Variants in PTCD3 observed in about 807,000 individuals in gnomAD.
PTCD3 encodes the protein small ribosomal subunit protein mS39.
Under a neutral mutation model 101.9 loss-of-function variants are expected in PTCD3, and 89 were observed. The observed-to-expected ratio is 0.87, with a 90% CI of 0.74 to 1.04. PTCD3 has a LOEUF of 1.04. Ranked by LOEUF, PTCD3 falls within the 50% of genes least tolerant of loss-of-function variation. The pLI is 0.00. For missense variants in PTCD3, 870 were observed against 828.2 expected, an observed-to-expected ratio of 1.05 and a Z score of -0.62; for synonymous variants, 296 against 278.5, an observed-to-expected ratio of 1.06 and a Z score of -0.63.
chr2:86,123,916 A>G (rs1030412709), intron 9 of PTCD3, among the ~76,000 whole-genome samples, 154 bp downstream of exon 9: 1 of 152,228 alleles, frequency 6.6e-6, no homozygotes, highest in Admixed American at 6.5e-5. Context: ...ATACACATTT[A>G]GACCGTTTTT....
In PTCD3 at chr2:86,126,697, C is replaced by T. The variant is rs1245186642; in HGVS notation, c.952-464C>T. 3.9e-5 allele frequency among the ~76,000 whole-genome samples: 6 copies of T among 152,048 alleles called. No homozygotes were observed. In the East Asian group the frequency reaches 9.7e-4, roughly 25 times the overall value. ...TACAAAAATACAAAAATTAGCCGGG[C>T]ATAGTGGTGCTCGCCTGTAGTCGCA... On this transcript the variant is annotated intron_variant, in intron 12 of 23. Coordinates refer to ENST00000254630, the MANE Select transcript of PTCD3 (RefSeq NM_017952.6).
chr2:86,108,360 G>A lies in PTCD3; in HGVS notation c.115G>A (p.Gly39Ser). The A allele has an allele frequency of 6.2e-7, 1 of 1,608,386 alleles. No homozygotes were observed. The highest frequency in any genetic ancestry group is 1.7e-4 in the Middle Eastern group (1 of 5,904). Residue 39 changes from glycine to serine, a missense_variant, in exon 2 of 24, where the codon GGT becomes AGT. Transcript: ENST00000254630. ...TTTGTTTTTTTGCAGATTTTATTCT[G>A]GTAGTGCAACCCTCTCAAAGGTTGA... is the stretch of plus-strand genomic sequence containing the variant. Reference protein sequence around the residue: ...EQARSCRFYSGSATLSKVEGT... With the variant: ...EQARSCRFYSSSATLSKVEGT...
chr2:86,137,779 A>C lies in PTCD3; in HGVS notation c.*220A>C. The C allele has an allele frequency of 3.8e-6, 2 of 530,842 alleles. No homozygotes were observed. The highest frequency in any genetic ancestry group is 6.4e-6 in the Non-Finnish European group (2 of 310,514). 32.9% of individuals were successfully genotyped at this position (530,842 alleles called of 1,614,324 possible). ...ATTAATGCACCATTAAAGGCTTAGC[A>C]TTTAAGTAGCAACATTGCGGTTTTC... is the stretch of plus-strand genomic sequence containing the variant. On this transcript the variant is annotated 3_prime_UTR_variant, in exon 24 of 24. Coordinates refer to ENST00000254630, the MANE Select transcript of PTCD3 (RefSeq NM_017952.6).
intron 8 of PTCD3, 62 bp downstream of exon 8, chr2:86,121,656 T>A: frequency 9.3e-7 from 1 of 1,079,192 alleles, no homozygotes; most frequent in Non-Finnish European, 1.4e-6. Context: ...AAATTGCTTT[T>A]AAAAATAAGA....
At chr2:86,114,908 A>G (rs1158097399) in intron 4 of PTCD3, among the ~76,000 whole-genome samples, 1 of 152,222 alleles carries the variant, frequency 6.6e-6, no homozygotes, top group African/African-American at 2.4e-5. Context: ...GGACATGCTT[A>G]ATTCCTCCAT....
At chr2:86,136,773 A>ATGAAGTCACAC (rs1210387560) in intron 22 of PTCD3, 1 of 803,272 alleles carries the variant, frequency 1.2e-6, no homozygotes, top group Non-Finnish European at 2.0e-6. Flanking sequence ...ATAGATCATC[A>ATGAAGTCACAC]TGAAGTCATA....
intron 23 of PTCD3, 134 bp from the exon 24 acceptor site, chr2:86,137,333 AAT>A: frequency 7.4e-7 from 1 of 1,358,918 alleles, no homozygotes; most frequent in Non-Finnish European, 9.9e-7. Flanking sequence ...TTTTGTTTCT[AAT>A]ATAGTTTAAT....
intron 12 of PTCD3, 147 bp downstream of exon 12, chr2:86,126,027 G>C (rs3731820): frequency 0.79 from 399,382 of 507,770 alleles, 161,684 homozygotes; most frequent in Non-Finnish European, 0.84. Flanking sequence ...GCCAGGAGTT[G>C]GAGACCAGCC....
Position 86,108,372 on chromosome 2 carries a change from C to T in PTCD3, c.127C>T (p.Leu43Phe). 3 of 1,608,744 alleles carry T rather than the reference C, an allele frequency of 1.9e-6. No homozygotes were observed. Among genetic ancestry groups the T allele is most frequent in the Non-Finnish European group, 1.7e-6 (2 of 1,178,148 alleles). Reference sequence around the variant, plus strand: ...CAGATTTTATTCTGGTAGTGCAACCCTCTCAAAGGTTGAAGGAACTGATGT... The same window carrying T: ...CAGATTTTATTCTGGTAGTGCAACCTTCTCAAAGGTTGAAGGAACTGATGT... The part of the protein sequence containing the change: ...SCRFYSGSAT[L>F]SKVEGTDVTG... Residue 43 changes from leucine (L) to phenylalanine (F), a missense_variant, in exon 2 of 24, where the codon CTC (leucine) becomes TTC (phenylalanine). Physicochemically the swap from Leu to Phe is conservative, Grantham distance 22. Transcript: ENST00000254630.
intron 1 of PTCD3, among the ~76,000 whole-genome samples, chr2:86,106,880 AT>A (rs975611458): frequency 2.6e-5 from 4 of 151,586 alleles, no homozygotes; most frequent in African/African-American, 7.3e-5. Context: ...TATCTGTGTA[AT>A]TTTTTTTTCA....
chr2:86,117,928 C>G (rs1674204591), intron 6 of PTCD3, among the ~76,000 whole-genome samples: 1 of 152,104 alleles, frequency 6.6e-6, no homozygotes. Context: ...AGGTGCCTGC[C>G]ACCGCACCTG....
rs776517044 is a variant in PTCD3 at position 86,119,025 on chromosome 2, T to C, written c.519T>C (p.Phe173=). ...LRKVKASVDM[F]DQLLQAGTTV... ...AAGTCAAAGCCTCTGTGGACATGTT[T>C]GATCAGCTTTTGCAAGCAGGTGACT... Residue 173 remains phenylalanine (F), a synonymous_variant, in exon 7 of 24, where the codon TTT becomes TTC. Coordinates refer to ENST00000254630, the MANE Select transcript of PTCD3 (RefSeq NM_017952.6). The C allele has an allele frequency of 3.7e-6, 6 of 1,613,786 alleles. No homozygotes were observed. In the South Asian group the frequency reaches 4.4e-5, roughly 12 times the overall value.
intron 1 of PTCD3, 84 bp downstream of exon 1, chr2:86,106,435 C>G (rs1673949650): frequency 1.4e-6 from 2 of 1,406,884 alleles, no homozygotes; most frequent in African/African-American, 1.4e-5. Flanking sequence ...GAAGTAGGCA[C>G]GATGAAATGG....
Position 86,133,432 on chromosome 2 carries a change from GA to G in PTCD3, c.1542del (p.Asp515IlefsTer13), listed in dbSNP as rs761047606. On this transcript the variant is annotated frameshift_variant, in exon 19 of 24. Transcript: ENST00000254630. LOFTEE classifies it high-confidence loss of function. ...NRLEVIPKIW[K>X]DSKEYGHTFR... ...GGCTAGAAGTGATTCCTAAAATTTG[GA>G]AAGGTCAGTTTTACTTTTTATGTGT... is the stretch of plus-strand genomic sequence containing the variant. 2 of 1,612,088 alleles carry G rather than the reference GA, an allele frequency of 1.2e-6. No individual in the cohort carries two copies. The highest frequency in any genetic ancestry group is 4.5e-5 in the East Asian group (2 of 44,882).
At position 86,116,651 on chromosome 2, in the gene PTCD3, A is replaced by G. The variant is rs559020975; in HGVS notation, c.309+53A>G. 4.6e-6 allele frequency: 6 copies of G among 1,313,984 alleles called. No individual in the cohort carries two copies. The South Asian group carries it at 7.2e-5, about 16-fold the overall frequency. 81.4% of individuals were successfully genotyped at this position (1,313,984 alleles called of 1,614,324 possible). ...GTTTTATCTCTCTGGTTTGCGTACA[A>G]CAGTACATAAATAATTTAGTTGTAA... On this transcript the variant is annotated intron_variant, in intron 5 of 23. Transcript: ENST00000254630.
chr2:86,117,016 G>T (rs1345734974), intron 5 of PTCD3, 39 bp from the exon 6 acceptor site: 1 of 846,534 alleles, frequency 1.2e-6, no homozygotes, highest in South Asian at 1.4e-5. Flanking sequence ...TCTTGCTTGA[G>T]TTTAAATTAC....
chr2:86,134,239 G>A (rs770092626), intron 19 of PTCD3, 53 bp from the exon 20 acceptor site: 53 of 1,350,686 alleles, frequency 3.9e-5, no homozygotes, highest in Non-Finnish European at 5.5e-5. Context: ...GTGAACAAAA[G>A]TGTGTTGGTT....
intron 4 of PTCD3, among the ~76,000 whole-genome samples, chr2:86,111,445 A>G (rs4344936): frequency 0.28 from 42,238 of 151,722 alleles, 7,152 homozygotes; most frequent in East Asian, 0.5. Flanking sequence ...AAAATTAGCC[A>G]GGCGTGGTGG....
At chr2:86,109,371 C>T (rs1674032727) in intron 3 of PTCD3, among the ~76,000 whole-genome samples, 1 of 149,344 alleles carries the variant, frequency 6.7e-6, no homozygotes. Context: ...CGCGCCACTG[C>T]ACTCCAGCCT....
Sources: gnomAD v4.1 joint callset for allele counts (sites outside exome capture counted in the v4.1 genomes callset) on GRCh38, gnomAD v4.1.1 for gene constraint, MANE v1.5 for transcripts, NCBI Gene and HGNC (gene_info 2026-07-23, HGNC 2026-07-21) for gene names.